Variants in WWOX observed in about 807,000 individuals in gnomAD.
WWOX encodes WW domain containing oxidoreductase, also known as WW domain-containing oxidoreductase.
WWOX carries 69 observed loss-of-function variants against 46.2 expected under a neutral mutation model. The ratio of observed to expected loss-of-function variants is 1.49; its 90% CI spans 1.23 to 1.82. The LOEUF (loss-of-function observed/expected upper bound fraction) is 1.82. Among genes scored for constraint, WWOX ranks in the 40% most tolerant of loss-of-function variants. WWOX has a pLI of 0.00. For missense variants in WWOX, 919 were observed against 542.6 expected, an observed-to-expected ratio of 1.69 and a Z score of -6.89; for synonymous variants, 359 against 202.6, an observed-to-expected ratio of 1.77 and a Z score of -6.56.
chr16:79,209,327 G>T (rs1282447590), intron 8 of WWOX, among the ~76,000 whole-genome samples: 1 of 152,194 alleles, frequency 6.6e-6, no homozygotes, highest in African/African-American at 2.4e-5. Context: ...TTCCAGTAAT[G>T]CAAGAGTGCA....
At chr16:78,128,233 A>C (rs756331370) in intron 4 of WWOX, among the ~76,000 whole-genome samples, 1 of 152,166 alleles carries the variant, frequency 6.6e-6, no homozygotes, top group Non-Finnish European at 1.5e-5. Context: ...GTTTCTGCAA[A>C]TATCTTCTTC....
chr16:78,486,618 A>T (rs1161973321), intron 8 of WWOX, among the ~76,000 whole-genome samples: 1 of 148,116 alleles, frequency 6.8e-6, no homozygotes, highest in Non-Finnish European at 1.5e-5. Context: ...TCTGTCGCCC[A>T]GGCTGGAGTG....
At chr16:78,487,539 C>A (rs1053413929) in intron 8 of WWOX, among the ~76,000 whole-genome samples, 1 of 152,160 alleles carries the variant, frequency 6.6e-6, no homozygotes. Context: ...TTGGGACTTA[C>A]TGCAGATGCT....
At chr16:78,882,915 GC>G (rs992478852) in intron 8 of WWOX, among the ~76,000 whole-genome samples, 3 of 152,056 alleles carry the variant, frequency 2.0e-5, no homozygotes, top group Non-Finnish European at 4.4e-5. Flanking sequence ...ACAGAGCATA[GC>G]CTGTCTTCCA....
At chr16:78,954,464 CTT>C (rs1223119061) in intron 8 of WWOX, among the ~76,000 whole-genome samples, 3 of 152,120 alleles carry the variant, frequency 2.0e-5, no homozygotes, top group Non-Finnish European at 2.9e-5. Context: ...AATGGTGAAA[CTT>C]TTATATTTTA....
At chr16:79,136,923 C>T (rs1208621979) in intron 8 of WWOX, among the ~76,000 whole-genome samples, 1 of 152,158 alleles carries the variant, frequency 6.6e-6, no homozygotes, top group Non-Finnish European at 1.5e-5. Context: ...GTAGATCAAT[C>T]AATTACATGT....
At chr16:78,195,864 G>GGAATAT (rs981392351) in intron 5 of WWOX, among the ~76,000 whole-genome samples, 4 of 151,074 alleles carry the variant, frequency 2.6e-5, no homozygotes, top group African/African-American at 9.7e-5. Context: ...TTGAACATGT[G>GGAATAT]GAATATGAGA....
intron 8 of WWOX, among the ~76,000 whole-genome samples, chr16:78,513,040 C>G (rs370200707): frequency 6.6e-6 from 1 of 151,984 alleles, no homozygotes; most frequent in African/African-American, 2.4e-5. Flanking sequence ...TTTTATGGCC[C>G]GAGATTAAAA....
chr16:78,312,087 C>A (rs531963177), intron 5 of WWOX, among the ~76,000 whole-genome samples: 1 of 152,174 alleles, frequency 6.6e-6, no homozygotes, highest in Non-Finnish European at 1.5e-5. Flanking sequence ...GTCTCTGGTT[C>A]TTTGTCTTTT....
At chr16:78,730,421 C>T (rs1314293690) in intron 8 of WWOX, among the ~76,000 whole-genome samples, 3 of 151,922 alleles carry the variant, frequency 2.0e-5, no homozygotes, top group African/African-American at 7.3e-5. Flanking sequence ...TTTCCTAGGA[C>T]TCATCATTCA....
intron 8 of WWOX, among the ~76,000 whole-genome samples, chr16:78,483,416 C>T (rs1479449881): frequency 5.0e-5 from 7 of 141,144 alleles, no homozygotes; most frequent in East Asian, 4.0e-4. Context: ...CCGGCATCTG[C>T]GTAGAATTTT....
At chr16:78,470,064 C>T (rs2151433684) in intron 8 of WWOX, among the ~76,000 whole-genome samples, 1 of 152,360 alleles carries the variant, frequency 6.6e-6, no homozygotes, top group Admixed American at 6.5e-5. Flanking sequence ...TCCATAATGA[C>T]TCTTGCCAAT....
intron 8 of WWOX, among the ~76,000 whole-genome samples, chr16:79,046,531 C>A (rs569659464): frequency 1.8e-4 from 28 of 152,260 alleles, no homozygotes; most frequent in Non-Finnish European, 2.9e-4. Flanking sequence ...AGATGTCTGC[C>A]CTTCTTGTGC....
chr16:78,529,348 C>G (rs571643985), intron 8 of WWOX, among the ~76,000 whole-genome samples: 1 of 152,114 alleles, frequency 6.6e-6, no homozygotes, highest in Non-Finnish European at 1.5e-5. Context: ...TAGAAGTGAG[C>G]CCTCTTACTG....
chr16:78,823,882 C>G (rs1444303669), intron 8 of WWOX, among the ~76,000 whole-genome samples: 2 of 151,622 alleles, frequency 1.3e-5, no homozygotes, highest in Non-Finnish European at 2.9e-5. Flanking sequence ...TTTAAGTGAT[C>G]CTGCCACCTC....
intron 8 of WWOX, among the ~76,000 whole-genome samples, chr16:78,781,140 G>C (rs2050313706): frequency 6.6e-6 from 1 of 152,162 alleles, no homozygotes; most frequent in African/African-American, 2.4e-5. Context: ...AATCAAGACA[G>C]GGAAATGATG....
intron 5 of WWOX, among the ~76,000 whole-genome samples, chr16:78,239,732 C>T (rs1261769156): frequency 6.6e-6 from 1 of 151,890 alleles, no homozygotes; most frequent in Non-Finnish European, 1.5e-5. Context: ...GATAGGGTTT[C>T]ACTTGTTGGC....
intron 5 of WWOX, among the ~76,000 whole-genome samples, chr16:78,365,653 G>A (rs973852226): frequency 2.6e-5 from 4 of 152,150 alleles, no homozygotes; most frequent in African/African-American, 7.2e-5. Flanking sequence ...TGTATCTACT[G>A]CTGTCGTTTA....
At chr16:78,230,170 G>A (rs71183780) in intron 5 of WWOX, among the ~76,000 whole-genome samples, 2 of 4,836 alleles carry the variant, frequency 4.1e-4, no homozygotes, top group South Asian at 4.5e-3. Context: ...GTGAGCTACC[G>A]TGCCCGTGCC....
Sources: allele counts gnomAD v4.1 joint callset (sites outside exome capture counted in the v4.1 genomes callset), GRCh38; gene constraint gnomAD v4.1.1; transcripts MANE v1.5; gene names NCBI Gene and HGNC (gene_info 2026-07-23, HGNC 2026-07-21).